AGPS: variants seen among roughly 807,000 people sequenced by gnomAD.
AGPS encodes the protein alkylglycerone phosphate synthase, also known as alkyldihydroxyacetonephosphate synthase, peroxisomal.
AGPS carries 26 observed loss-of-function variants against 90.7 expected under a neutral mutation model. The observed-to-expected ratio is 0.29, with a 90% CI of 0.21 to 0.40. The LOEUF is 0.40. Among genes scored for constraint, AGPS ranks in the 10% least tolerant of loss-of-function variants. The pLI, the probability that AGPS is intolerant of heterozygous loss-of-function variation, is 1.00. For synonymous variants in AGPS, 294 were observed against 285.3 expected (o/e 1.03, Z -0.31); for missense variants, 540 against 816.1 (o/e 0.66, Z 4.12).
chr2:177,482,296 T>TGAAGA, intron 11 of AGPS, 110 bp downstream of exon 11: 2 of 592,580 alleles, frequency 3.4e-6, no homozygotes, highest in Non-Finnish European at 5.3e-6. Context: ...AATCTTCATT[T>TGAAGA]TTAGTTGTAT....
At chr2:177,472,267 T>C (rs980458912) in intron 10 of AGPS, among the ~76,000 whole-genome samples, 1 of 148,394 alleles carries the variant, frequency 6.7e-6, no homozygotes, top group African/African-American at 2.5e-5. Context: ...ATTTTTCTGG[T>C]TTTTTTTTTC....
At position 177,521,186 on chromosome 2, in the gene AGPS, G is replaced by A. The variant is rs568170117; in HGVS notation, c.1698-83G>A. 1.7e-5 allele frequency: 19 copies of A among 1,141,024 alleles called. No homozygotes were observed. The East Asian group carries it at 4.2e-4, about 25-fold the overall frequency. The allele number at this position is 1,141,024 out of a possible 1,614,324, so 70.7% of individuals were successfully genotyped here. ...ATTATATCTTAAACTAATCATTTGG[G>A]TCGTCTTGACTTTCAGTTTCTAGAT... On this transcript the variant is annotated intron_variant, in intron 17 of 19. Coordinates refer to ENST00000264167, the MANE Select transcript of AGPS (RefSeq NM_003659.4).
intron 19 of AGPS, 106 bp from the exon 20 acceptor site, chr2:177,537,968 G>T: frequency 1.4e-6 from 2 of 1,458,986 alleles, no homozygotes; most frequent in South Asian, 1.1e-5. Flanking sequence ...TCTCATTTTT[G>T]AATAAAAGCA....
chr2:177,499,943 TTAGA>T (rs1292596199), intron 14 of AGPS, among the ~76,000 whole-genome samples: 1 of 151,866 alleles, frequency 6.6e-6, no homozygotes, highest in Non-Finnish European at 1.5e-5. Flanking sequence ...TTTTAGGAAG[TTAGA>T]TTGATATGTT....
intron 1 of AGPS, among the ~76,000 whole-genome samples, chr2:177,405,309 G>T (rs1685436807): frequency 6.6e-6 from 1 of 152,218 alleles, no homozygotes; most frequent in Non-Finnish European, 1.5e-5. Context: ...GTAGTCATAG[G>T]ACATAGGTAG....
At chr2:177,524,895 A>C (rs2079067903) in intron 19 of AGPS, among the ~76,000 whole-genome samples, 1 of 152,156 alleles carries the variant, frequency 6.6e-6, no homozygotes, top group Non-Finnish European at 1.5e-5. Flanking sequence ...TCATATTCTT[A>C]CAGCAAGGTC....
At chr2:177,528,604 C>G (rs1347443598) in intron 19 of AGPS, among the ~76,000 whole-genome samples, 2 of 152,142 alleles carry the variant, frequency 1.3e-5, no homozygotes, top group African/African-American at 2.4e-5. Context: ...AGGGATCTTC[C>G]CTGTCCTCTT....
At chr2:177,401,119 C>T (rs1380620851) in intron 1 of AGPS, among the ~76,000 whole-genome samples, 1 of 152,194 alleles carries the variant, frequency 6.6e-6, no homozygotes, top group Non-Finnish European at 1.5e-5. Context: ...ATGGAGCTGA[C>T]TTTTAAATTT....
chr2:177,460,943 A>G (rs556974651), intron 8 of AGPS, among the ~76,000 whole-genome samples: 50 of 152,376 alleles, frequency 3.3e-4, no homozygotes, highest in African/African-American at 1.1e-3. Flanking sequence ...AACAAATTAT[A>G]TTTAACCTAA....
At chr2:177,498,346 G>T (rs1173901738) in intron 13 of AGPS, among the ~76,000 whole-genome samples, 7 of 151,410 alleles carry the variant, frequency 4.6e-5, no homozygotes, top group Non-Finnish European at 1.0e-4. Context: ...GTGGTGGGGG[G>T]TGTGCAGCTT....
chr2:177,429,109 T>C (rs2105619815), intron 2 of AGPS, among the ~76,000 whole-genome samples: 1 of 152,342 alleles, frequency 6.6e-6, no homozygotes, highest in East Asian at 1.9e-4. Flanking sequence ...CTGCTATTGA[T>C]ACTTGTGATT....
intron 8 of AGPS, among the ~76,000 whole-genome samples, chr2:177,446,678 G>A (rs1178809645): frequency 1.3e-5 from 2 of 152,144 alleles, no homozygotes; most frequent in African/African-American, 2.4e-5. Flanking sequence ...GGTGAAATGG[G>A]TGGTCTATGT....
At chr2:177,447,207 A>G (rs535451310) in intron 8 of AGPS, among the ~76,000 whole-genome samples, 28 of 152,206 alleles carry the variant, frequency 1.8e-4, no homozygotes, top group Admixed American at 3.3e-4. Flanking sequence ...TGAAAAGTTG[A>G]TTGACATTGA....
At chr2:177,472,586 CT>C (rs1469558055) in intron 10 of AGPS, among the ~76,000 whole-genome samples, 1 of 151,934 alleles carries the variant, frequency 6.6e-6, no homozygotes, top group Non-Finnish European at 1.5e-5. Context: ...CGTTTTCTGA[CT>C]TTTGTAGTTG....
Position 177,541,099 on chromosome 2 carries a change from C to T in AGPS, c.*2904C>T, listed in dbSNP as rs1007961348. 2 of 152,098 alleles carry T rather than the reference C, an allele frequency of 1.3e-5. No individual in the cohort carries two copies. Among genetic ancestry groups the T allele is most frequent in the African/African-American group, 4.8e-5 (2 of 41,420 alleles). 9.4% of individuals were successfully genotyped at this position (152,098 alleles called of 1,614,324 possible). On this transcript the variant is annotated 3_prime_UTR_variant, in exon 20 of 20. Transcript: ENST00000264167. ...GTGCTTACATATTGTAGTACTATTA[C>T]TTAAAAGTTATTTATGAAGTTGGGA...
intron 19 of AGPS, among the ~76,000 whole-genome samples, chr2:177,532,436 C>T (rs549284687): frequency 6.6e-6 from 1 of 152,060 alleles, no homozygotes; most frequent in East Asian, 1.9e-4. Context: ...ATCAGAATGG[C>T]TAAAATAAAA....
At chr2:177,404,803 A>T (rs4893941) in intron 1 of AGPS, among the ~76,000 whole-genome samples, 107,191 of 152,010 alleles carry the variant, frequency 0.71, 38,180 homozygotes, top group Admixed American at 0.78. Flanking sequence ...TCTAATTTTG[A>T]TTTTATTTCC....
chr2:177,489,061 C>A (rs1041760488), intron 11 of AGPS, among the ~76,000 whole-genome samples: 1 of 150,488 alleles, frequency 6.6e-6, no homozygotes, highest in African/African-American at 2.4e-5. Context: ...TTAGAAAAAC[C>A]AGTTTTGCAG....
At chr2:177,404,110 G>A (rs1015912918) in intron 1 of AGPS, among the ~76,000 whole-genome samples, 8 of 152,170 alleles carry the variant, frequency 5.3e-5, no homozygotes, top group African/African-American at 1.9e-4. Flanking sequence ...TTTGGAGAAC[G>A]ACTACATCAT....
Sources: allele counts gnomAD v4.1 joint callset (sites outside exome capture counted in the v4.1 genomes callset), GRCh38; gene constraint gnomAD v4.1.1; transcripts MANE v1.5; gene names NCBI Gene and HGNC (gene_info 2026-07-23, HGNC 2026-07-21).